Variants in NOSTRIN observed in about 807,000 individuals in gnomAD.
NOSTRIN encodes the protein nitric oxide synthase trafficking, also known as BM247 homolog.
Under a neutral mutation model 59.0 loss-of-function variants are expected in NOSTRIN, and 63 were observed. The ratio of observed to expected loss-of-function variants is 1.07; its 90% CI spans 0.87 to 1.32. The LOEUF is 1.32. Among genes scored for constraint, NOSTRIN ranks in the 40% most tolerant of loss-of-function variants. The pLI is 0.00. For synonymous variants in NOSTRIN, 200 were observed against 165.4 expected (o/e 1.21, Z -1.61); for missense variants, 512 against 473.1 (o/e 1.08, Z -0.76).
chr2:168,860,868 C>A lies in NOSTRIN; in HGVS notation c.1253C>A (p.Ala418Glu), dbSNP rs116059642. ...AGATTAGAGAATATTGTGAGCAAGG[C>A]ATCTTCTGGTGGGCAGAGCAATCCA... ...MKRLENIVSK[A>E]SSGGQSNPGS... Residue 418 changes from alanine to glutamate, a missense_variant, in exon 14 of 16, where the codon GCA becomes GAA. Coordinates refer to ENST00000317647, the MANE Select transcript of NOSTRIN (RefSeq NM_001039724.4). The A allele has an allele frequency of 6.2e-7, 1 of 1,613,968 alleles. No individual in the cohort carries two copies. The highest frequency in any genetic ancestry group is 1.3e-5 in the African/African-American group (1 of 74,992).
At chr2:168,797,387 A>G (rs765545817), upstream of NOSTRIN, among the ~76,000 whole-genome samples, 3 of 152,024 alleles carry the variant, frequency 2.0e-5, no homozygotes, top group Non-Finnish European at 2.9e-5. Context: ...ATGAGCTGCC[A>G]CACCCAGCCT....
chr2:168,856,549 T>C, intron 11 of NOSTRIN, 141 bp from the exon 12 acceptor site: 1 of 670,486 alleles, frequency 1.5e-6, no homozygotes, highest in South Asian at 1.8e-5. Flanking sequence ...CACTCCAGCC[T>C]GGGTGACAGA....
At position 168,855,476 on chromosome 2, in the gene NOSTRIN, T is replaced by G; in HGVS notation, c.964+16T>G. 7.1e-7 allele frequency: 1 copy of G among 1,410,688 alleles called. No individual in the cohort carries two copies. The highest frequency in any genetic ancestry group is 1.0e-6 in the Non-Finnish European group (1 of 999,398). 87.4% of individuals were successfully genotyped at this position (1,410,688 alleles called of 1,614,324 possible). A position where few individuals can be genotyped will look rare whatever the true frequency, so the allele number is the denominator to read the frequency against. ...GACAAGGAAGGTGTGTAACCATCTC[T>G]TTGAATGGCCAGAAAAGGGACCATA... On this transcript the variant is annotated intron_variant, in intron 11 of 15. Coordinates refer to ENST00000317647, the MANE Select transcript of NOSTRIN (RefSeq NM_001039724.4).
chr2:168,853,516 T>C (rs909287244), intron 10 of NOSTRIN, among the ~76,000 whole-genome samples: 3 of 152,218 alleles, frequency 2.0e-5, no homozygotes, highest in African/African-American at 7.2e-5. Flanking sequence ...GATGGCAATA[T>C]ACCCCATCCT....
At chr2:168,843,934 A>AT (rs1688241877) in intron 8 of NOSTRIN, among the ~76,000 whole-genome samples, 2 of 152,208 alleles carry the variant, frequency 1.3e-5, no homozygotes, top group Non-Finnish European at 2.9e-5. Flanking sequence ...GTGAGAAAAA[A>AT]CTGTACGCAA....
intron 12 of NOSTRIN, among the ~76,000 whole-genome samples, chr2:168,857,397 G>A (rs1002253226): frequency 6.6e-6 from 1 of 152,078 alleles, no homozygotes; most frequent in Admixed American, 6.5e-5. Flanking sequence ...GGTGTGTGAG[G>A]CAAAATCTGG....
At chr2:168,809,688 G>A (rs1686036724) in intron 1 of NOSTRIN, among the ~76,000 whole-genome samples, 1 of 149,480 alleles carries the variant, frequency 6.7e-6, no homozygotes, top group South Asian at 2.1e-4. Context: ...AATAGTATCA[G>A]ACCATTCATA....
chr2:168,824,853 T>G, intron 3 of NOSTRIN, 136 bp downstream of exon 3: 1 of 610,462 alleles, frequency 1.6e-6, no homozygotes. Flanking sequence ...CACAGCTCAC[T>G]GCACCCTCAA....
intron 8 of NOSTRIN, among the ~76,000 whole-genome samples, chr2:168,844,916 T>C (rs911907914): frequency 7.1e-4 from 107 of 151,120 alleles, no homozygotes; most frequent in African/African-American, 2.6e-3. Flanking sequence ...TGCATTATGC[T>C]CCTGCCCCAT....
At chr2:168,829,849 G>T (rs761396233) in intron 5 of NOSTRIN, among the ~76,000 whole-genome samples, 1 of 152,142 alleles carries the variant, frequency 6.6e-6, no homozygotes, top group Non-Finnish European at 1.5e-5. Context: ...GGTTAAGGGG[G>T]AGTTTCAAGG....
chr2:168,798,392 C>A (rs1309552106), upstream of NOSTRIN, among the ~76,000 whole-genome samples: 1 of 152,180 alleles, frequency 6.6e-6, no homozygotes. Flanking sequence ...CTTTTTCTTA[C>A]TAGCTTACCA....
chr2:168,794,877 G>T (rs928662362), upstream of NOSTRIN, among the ~76,000 whole-genome samples: 2 of 152,226 alleles, frequency 1.3e-5, no homozygotes, highest in Non-Finnish European at 2.9e-5. Context: ...TTGCAGGTGT[G>T]CCACTGCACC....
intron 2 of NOSTRIN, among the ~76,000 whole-genome samples, chr2:168,813,796 T>C (rs1171468968): frequency 6.6e-6 from 1 of 152,186 alleles, no homozygotes; most frequent in Non-Finnish European, 1.5e-5. Context: ...AGATCTAATA[T>C]TTTACCTAGA....
upstream of NOSTRIN, among the ~76,000 whole-genome samples, chr2:168,796,573 A>G (rs1685484071): frequency 6.6e-6 from 1 of 152,092 alleles, no homozygotes; most frequent in South Asian, 2.1e-4. Context: ...GCTCTCCCAA[A>G]CTTATTCTTA....
intron 2 of NOSTRIN, chr2:168,812,048 T>TA (rs1355647830): frequency 9.0e-5 from 14 of 154,736 alleles, no homozygotes; most frequent in Non-Finnish European, 1.4e-4. Context: ...GCTGACCTCT[T>TA]AGAGCCTGGC....
chr2:168,806,549 A>C (rs1685860508), intron 1 of NOSTRIN, among the ~76,000 whole-genome samples: 1 of 151,982 alleles, frequency 6.6e-6, no homozygotes, highest in Non-Finnish European at 1.5e-5. Context: ...AATGTCTGTC[A>C]AATAGACCAG....
At chr2:168,830,141 A>G (rs1282179848) in intron 5 of NOSTRIN, among the ~76,000 whole-genome samples, 3 of 152,192 alleles carry the variant, frequency 2.0e-5, no homozygotes, top group Admixed American at 6.5e-5. Flanking sequence ...TTACTAGTCT[A>G]TATTTCGTTG....
intron 14 of NOSTRIN, among the ~76,000 whole-genome samples, chr2:168,861,153 A>G (rs1689422482): frequency 1.3e-5 from 2 of 152,218 alleles, no homozygotes; most frequent in African/African-American, 4.8e-5. Flanking sequence ...ACTGGCATCC[A>G]CCTTATTCAA....
chr2:168,812,352 G>T (rs1686187530), intron 2 of NOSTRIN, among the ~76,000 whole-genome samples: 1 of 152,140 alleles, frequency 6.6e-6, no homozygotes, highest in South Asian at 2.1e-4. Context: ...TTAAAATAAT[G>T]AATGTGTGCC....
Sources: gnomAD v4.1 joint callset for allele counts (sites outside exome capture counted in the v4.1 genomes callset) on GRCh38, gnomAD v4.1.1 for gene constraint, MANE v1.5 for transcripts, NCBI Gene and HGNC (gene_info 2026-07-23, HGNC 2026-07-21) for gene names.